MCC: variants seen among roughly 807,000 people sequenced by gnomAD.
The protein encoded by MCC is MCC regulator of Wnt signaling pathway.
A neutral mutation model predicts 116.2 loss-of-function variants in MCC; 90 were observed. The observed-to-expected ratio is 0.77, with a 90% confidence interval of 0.65 to 0.92. MCC has a LOEUF of 0.92. Ranked by LOEUF, MCC falls within the 40% of genes least tolerant of loss-of-function variation. The pLI, the probability that MCC is intolerant of heterozygous loss-of-function variation, is 0.00. For synonymous variants in MCC, 578 were observed against 510.5 expected, an observed-to-expected ratio of 1.13 and a Z score of -1.78; for missense variants, 1,516 against 1,312.2, an observed-to-expected ratio of 1.16 and a Z score of -2.40.
chr5:113,480,776 ATTTAT>A (rs1011413629), intron 1 of MCC, among the ~76,000 whole-genome samples: 9 of 152,058 alleles, frequency 5.9e-5, no homozygotes, highest in African/African-American at 1.9e-4. Context: ...CATTATTTTT[ATTTAT>A]TTTATTTTAT....
chr5:113,380,063 G>A (rs1208335290), intron 2 of MCC, among the ~76,000 whole-genome samples: 1 of 152,178 alleles, frequency 6.6e-6, no homozygotes, highest in African/African-American at 2.4e-5. Context: ...ATGAATCTAT[G>A]GAAATTCCTC....
chr5:113,345,985 T>A (rs759636692), intron 2 of MCC, among the ~76,000 whole-genome samples: 1 of 152,094 alleles, frequency 6.6e-6, no homozygotes, highest in African/African-American at 2.4e-5. Flanking sequence ...AAATTCAAGG[T>A]AACACAGAGA....
intron 1 of MCC, among the ~76,000 whole-genome samples, chr5:113,466,171 C>CT (rs11400769): frequency 0.11 from 15,860 of 149,460 alleles, 1,429 homozygotes; most frequent in African/African-American, 0.24. Context: ...AGTAGCCATT[C>CT]TTTTTTTTTT....
chr5:113,148,093 G>A (rs1447012330), intron 4 of MCC, among the ~76,000 whole-genome samples: 2 of 152,150 alleles, frequency 1.3e-5, no homozygotes, highest in Admixed American at 6.5e-5. Context: ...AATAATTGTT[G>A]GTACTAAATA....
At chr5:113,184,852 A>G (rs1479730231) in intron 3 of MCC, among the ~76,000 whole-genome samples, 1 of 152,210 alleles carries the variant, frequency 6.6e-6, no homozygotes, top group Admixed American at 6.5e-5. Context: ...ACCAACTGAA[A>G]TAGATGGGCA....
At chr5:113,303,946 C>T (rs755140641) in intron 3 of MCC, among the ~76,000 whole-genome samples, 3 of 152,204 alleles carry the variant, frequency 2.0e-5, no homozygotes, top group African/African-American at 7.2e-5. Flanking sequence ...TGAGCCACCA[C>T]GCTAGCCTGG....
At chr5:113,294,513 A>G in intron 3 of MCC, 10 of 1,516,074 alleles carry the variant, frequency 6.6e-6, no homozygotes, top group Non-Finnish European at 8.8e-6. Flanking sequence ...ATTTTCACCC[A>G]GGACAGTTGC....
At chr5:113,295,057 G>A (rs1053888093) in intron 3 of MCC, 3 of 556,796 alleles carry the variant, frequency 5.4e-6, no homozygotes, top group South Asian at 7.8e-5. Flanking sequence ...AGAGGAGACC[G>A]TGCTGGGAGA....
chr5:113,044,014 G>A (rs1751909094), intron 16 of MCC, among the ~76,000 whole-genome samples: 1 of 152,230 alleles, frequency 6.6e-6, no homozygotes, highest in Non-Finnish European at 1.5e-5. Context: ...AAGTTATGCG[G>A]CCCAGTCACC....
At chr5:113,030,996 G>C (rs915536992) in intron 17 of MCC, among the ~76,000 whole-genome samples, 7 of 152,188 alleles carry the variant, frequency 4.6e-5, no homozygotes, top group Non-Finnish European at 8.8e-5. Context: ...GGGGTAGAAG[G>C]CTCCTTTCTG....
At chr5:113,359,283 T>C (rs1324093642) in intron 2 of MCC, among the ~76,000 whole-genome samples, 2 of 152,202 alleles carry the variant, frequency 1.3e-5, no homozygotes, top group African/African-American at 2.4e-5. Context: ...TGTTGACAGG[T>C]GCTAAGAAAG....
At position 113,043,638 on chromosome 5, in the gene MCC, C is replaced by T. The variant is rs1021602470; in HGVS notation, c.2656-8G>A. 1.9e-6 allele frequency: 3 copies of T among 1,598,974 alleles called. No homozygotes were observed. The East Asian group carries it at 6.7e-5, about 36-fold the overall frequency. On this transcript the variant is annotated splice_region_variant and splice_polypyrimidine_tract_variant and intron_variant, in intron 16 of 18. Coordinates refer to ENST00000408903, the MANE Select transcript of MCC (RefSeq NM_001085377.2). Reference sequence around the variant, plus strand: ...GGCAGCATCAGCACACTCCTGACAACAGCAAACACATTCCAGTTAGGCCTG... The same window carrying T: ...GGCAGCATCAGCACACTCCTGACAATAGCAAACACATTCCAGTTAGGCCTG...
chr5:113,028,624 G>T (rs541078343), intron 18 of MCC, among the ~76,000 whole-genome samples: 3 of 152,294 alleles, frequency 2.0e-5, no homozygotes, highest in East Asian at 1.9e-4. Flanking sequence ...GGCTTAAACA[G>T]ATTTTTTATT....
intron 14 of MCC, among the ~76,000 whole-genome samples, chr5:113,057,653 C>A (rs1035351843): frequency 3.9e-5 from 6 of 152,210 alleles, no homozygotes; most frequent in African/African-American, 1.4e-4. Context: ...TCAGAGGACG[C>A]ATCCAAAGGA....
At chr5:113,303,582 A>C (rs577485531) in intron 3 of MCC, among the ~76,000 whole-genome samples, 1 of 152,364 alleles carries the variant, frequency 6.6e-6, no homozygotes, top group South Asian at 2.1e-4. Flanking sequence ...AATCAATGTC[A>C]TTAAGTGGTG....
At chr5:113,267,897 T>G (rs780107276) in intron 3 of MCC, among the ~76,000 whole-genome samples, 1 of 152,218 alleles carries the variant, frequency 6.6e-6, no homozygotes, top group Non-Finnish European at 1.5e-5. Context: ...ACTTCTGTAT[T>G]TATATGTCTT....
chr5:113,084,306 C>A, intron 9 of MCC, 116 bp from the exon 10 acceptor site: 1 of 781,526 alleles, frequency 1.3e-6, no homozygotes, highest in Non-Finnish European at 2.1e-6. Flanking sequence ...GATTAAAGAA[C>A]TTAAGAACAG....
chr5:113,154,720 A>G (rs1760076352), intron 3 of MCC, among the ~76,000 whole-genome samples: 1 of 152,188 alleles, frequency 6.6e-6, no homozygotes, highest in South Asian at 2.1e-4. Context: ...CAAGCATGAA[A>G]AAATTAGTTT....
intron 12 of MCC, among the ~76,000 whole-genome samples, chr5:113,069,009 A>G (rs748189286): frequency 2.6e-5 from 4 of 152,254 alleles, no homozygotes; most frequent in Non-Finnish European, 4.4e-5. Flanking sequence ...CTAGACCTGC[A>G]CTATTCAATA....
Sources: gnomAD v4.1 joint callset for allele counts (sites outside exome capture counted in the v4.1 genomes callset) on GRCh38, gnomAD v4.1.1 for gene constraint, MANE v1.5 for transcripts, NCBI Gene and HGNC (gene_info 2026-07-23, HGNC 2026-07-21) for gene names.